The following POF1B variants were observed in gnomAD, a reference collection of about 807,000 sequenced individuals.
POF1B encodes the protein POF1B actin binding protein.
Under a neutral mutation model 55.3 loss-of-function variants are expected in POF1B, and 53 were observed. The observed-to-expected ratio is 0.96, with a 90% CI of 0.77 to 1.20. The LOEUF (loss-of-function observed/expected upper bound fraction) is 1.20, where lower values mean the gene tolerates loss of function less well. Among genes scored for constraint, POF1B ranks in the 50% most tolerant of loss-of-function variants. The pLI, the probability that POF1B is intolerant of heterozygous loss-of-function variation, is 0.00. For missense variants in POF1B, 478 were observed against 420.5 expected (o/e 1.14, Z -1.20); for synonymous variants, 188 against 148.3 (o/e 1.27, Z -1.95).
intron 6 of POF1B, among the ~76,000 whole-genome samples, chrX:85,335,898 T>C (rs1467835158): frequency 9.1e-6 from 1 of 110,198 alleles, no homozygotes; most frequent in Non-Finnish European, 1.9e-5. Context: ...TACAATTAAA[T>C]TATTGTTGAT....
At chrX:85,292,241 T>C (rs1219915761) in intron 15 of POF1B, among the ~76,000 whole-genome samples, 1 of 112,120 alleles carries the variant, frequency 8.9e-6, no homozygotes, top group Non-Finnish European at 1.9e-5. Flanking sequence ...ATCACAGTTA[T>C]TAATTTGTAT....
At chrX:85,373,589 G>T (rs1304030276) in intron 2 of POF1B, among the ~76,000 whole-genome samples, 1 of 111,718 alleles carries the variant, frequency 9.0e-6, no homozygotes, top group Admixed American at 9.5e-5. Context: ...TTATTGTGTA[G>T]TGGCATTGAA....
chrX:85,379,533 A>ACAGG, intron 1 of POF1B, 38 bp from the exon 2 acceptor site: 1 of 1,062,301 alleles, frequency 9.4e-7, no homozygotes, highest in Non-Finnish European at 1.3e-6. Context: ...GAAAAAAAAG[A>ACAGG]CAGGCAAGCA....
At chrX:85,284,093 A>C (rs941903439) in intron 15 of POF1B, among the ~76,000 whole-genome samples, 2 of 110,945 alleles carry the variant, frequency 1.8e-5, no homozygotes, top group Non-Finnish European at 3.8e-5. Flanking sequence ...TAGGAATCCA[A>C]CTTACAAGAG....
chrX:85,351,459 G>C lies in POF1B; in HGVS notation c.439-8C>G. The C allele has an allele frequency of 8.8e-7, 1 of 1,133,868 alleles. No individual in the cohort carries two copies. Among genetic ancestry groups the C allele is most frequent in the South Asian group, 1.9e-5 (1 of 52,423 alleles). The allele number at this position is 1,133,868 out of a possible 1,213,427, so 93.4% of individuals were successfully genotyped here. ...GAATTGAGACAGTGGTTCCTAAAAT[G>C]ATAGTAAATTATATGTTTTGTTTTG... On this transcript the variant is annotated splice_polypyrimidine_tract_variant and splice_region_variant and intron_variant, in intron 4 of 16. Coordinates refer to ENST00000262753, the MANE Select transcript of POF1B (RefSeq NM_024921.4).
At chrX:85,307,070 G>T (rs1932589636) in intron 11 of POF1B, 93 bp downstream of exon 11, 1 of 709,537 alleles carries the variant, frequency 1.4e-6, no homozygotes, top group Non-Finnish European at 2.1e-6. Flanking sequence ...ATTTAATTCT[G>T]TCTTGATTAT....
intron 11 of POF1B, among the ~76,000 whole-genome samples, chrX:85,306,940 G>A (rs756529750): frequency 6.3e-5 from 7 of 111,611 alleles, no homozygotes; most frequent in Non-Finnish European, 1.3e-4. Context: ...ACAAATAATT[G>A]TGTCCCATAT....
chrX:85,307,409 C>G, intron 10 of POF1B, 133 bp from the exon 11 acceptor site: 1 of 410,015 alleles, frequency 2.4e-6, no homozygotes, highest in East Asian at 4.1e-5. Context: ...AAGCAGAATT[C>G]TTAAAAGTTA....
At chrX:85,298,768 A>G (rs1255849905) in intron 15 of POF1B, among the ~76,000 whole-genome samples, 3 of 111,728 alleles carry the variant, frequency 2.7e-5, no homozygotes, top group Non-Finnish European at 5.6e-5. Context: ...CAAAGTAGCT[A>G]TAATAAATAT....
In POF1B at chrX:85,346,016, A is replaced by G. The variant is rs138426823; in HGVS notation, c.567T>C (p.His189=). The G allele has an allele frequency of 2.5e-6, 3 of 1,198,627 alleles. No homozygotes were observed. The highest frequency in any genetic ancestry group is 3.4e-6 in the Non-Finnish European group (3 of 888,531). Residue 189 remains histidine (H), a synonymous_variant, in exon 6 of 17, where the codon CAT becomes CAC. Coordinates refer to ENST00000262753, the MANE Select transcript of POF1B (RefSeq NM_024921.4). The part of the protein sequence containing the change: ...DQGCHPQAQC[H]HHIIQQPQVI... ...CCTGGGGCTGTTGGATAATGTGATGATGGCATTGAGCCTGAGGATGGCACC... is the reference window on the plus strand; with the variant it reads ...CCTGGGGCTGTTGGATAATGTGATGGTGGCATTGAGCCTGAGGATGGCACC...
intron 3 of POF1B, among the ~76,000 whole-genome samples, chrX:85,360,657 C>T (rs1306383858): frequency 9.6e-6 from 1 of 104,306 alleles, no homozygotes; most frequent in Admixed American, 1.0e-4. Context: ...CATTCATGTA[C>T]ATGTGTCTTT....
Position 85,330,987 on chromosome X carries a change from A to T in POF1B, c.816T>A (p.Tyr272Ter). 1 of 1,204,076 alleles carries T rather than the reference A, an allele frequency of 8.3e-7. No individual in the cohort carries two copies. The highest frequency in any genetic ancestry group is 1.8e-5 in the South Asian group (1 of 55,368). Residue 272 changes from tyrosine to a stop codon, truncating the protein, a stop_gained, in exon 7 of 17, where the codon TAT becomes TAA. Coordinates refer to ENST00000262753, the MANE Select transcript of POF1B (RefSeq NM_024921.4). LOFTEE classifies it high-confidence loss of function. Reference sequence around the variant, plus strand: ...TCTGCAAATGTTCTAATAAGCAGTGATATAGATCCGTATTCTTACGGCTCA... The same window carrying T: ...TCTGCAAATGTTCTAATAAGCAGTGTTATAGATCCGTATTCTTACGGCTCA... ...ADLSRKNTDL[Y>*]HCLLEHLQRI... is the part of the protein sequence containing the mutation.
In POF1B at chrX:85,285,020, A is replaced by G. The variant is rs781691847; in HGVS notation, c.1650-2703T>C. Among the ~76,000 whole-genome samples, 6 of 112,323 alleles carry G rather than the reference A, an allele frequency of 5.3e-5. No individual in the cohort carries two copies. In the South Asian group the frequency reaches 2.2e-3, roughly 41 times the overall value. ...AGGATATGAACAGACACTTCTCAAA[A>G]GAAGACATTTATGCAGCCAACAGAC... On this transcript the variant is annotated intron_variant, in intron 15 of 16. Transcript: ENST00000262753.
chrX:85,368,390 C>A lies in POF1B; in HGVS notation c.283-624G>T, dbSNP rs565591884. Among the ~76,000 whole-genome samples the A allele has an allele frequency of 1.8e-3, 205 of 111,175 alleles. No individual in the cohort carries two copies. In the South Asian group the frequency reaches 0.023, roughly 12 times the overall value. ...ACATCTTATGCACCCCATAAATATACACATTTACTATGTGCCCAAAATTTT... is the reference window on the plus strand; with the variant it reads ...ACATCTTATGCACCCCATAAATATAAACATTTACTATGTGCCCAAAATTTT... On this transcript the variant is annotated intron_variant, in intron 2 of 16. Coordinates refer to ENST00000262753, the MANE Select transcript of POF1B (RefSeq NM_024921.4).
intron 2 of POF1B, 109 bp downstream of exon 2, chrX:85,379,064 A>G (rs1448506209): frequency 3.2e-6 from 3 of 924,125 alleles, no homozygotes; most frequent in Admixed American, 6.1e-5. Context: ...TATAACTGCA[A>G]TCCACCAAAA....
At chrX:85,373,936 A>C (rs1356995627) in intron 2 of POF1B, among the ~76,000 whole-genome samples, 5 of 111,238 alleles carry the variant, frequency 4.5e-5, no homozygotes, top group African/African-American at 6.5e-5. Flanking sequence ...AATCATTTAC[A>C]CTTAGCTAAA....
At chrX:85,318,754 G>T (rs1932809289) in intron 7 of POF1B, among the ~76,000 whole-genome samples, 1 of 111,630 alleles carries the variant, frequency 9.0e-6, no homozygotes, top group Middle Eastern at 4.6e-3. Context: ...GAAATACCAT[G>T]CTGTTTTGGT....
chrX:85,280,277 C>T (rs1282400247), intron 16 of POF1B, among the ~76,000 whole-genome samples: 1 of 111,396 alleles, frequency 9.0e-6, no homozygotes, highest in Non-Finnish European at 1.9e-5. Flanking sequence ...ATTTTATTAA[C>T]TATACATCTG....
chrX:85,372,703 C>A (rs945232789), intron 2 of POF1B, among the ~76,000 whole-genome samples: 6 of 102,509 alleles, frequency 5.9e-5, no homozygotes, highest in Non-Finnish European at 9.8e-5. Flanking sequence ...TGCACATGTA[C>A]CCCAGAACTT....
Sources: allele counts gnomAD v4.1 joint callset (sites outside exome capture counted in the v4.1 genomes callset), GRCh38; gene constraint gnomAD v4.1.1; transcripts MANE v1.5; gene names NCBI Gene and HGNC (gene_info 2026-07-23, HGNC 2026-07-21).